Variants in ATP6V1C2 observed in about 807,000 individuals in gnomAD.
ATP6V1C2 encodes the protein ATPase H+ transporting V1 subunit C2.
A neutral mutation model predicts 56.8 loss-of-function variants in ATP6V1C2; 45 were observed. The ratio of observed to expected loss-of-function variants is 0.79; its 90% CI spans 0.62 to 1.02. The LOEUF (loss-of-function observed/expected upper bound fraction) is 1.02, where lower values mean the gene tolerates loss of function less well. ATP6V1C2 is among the 50% of genes least tolerant of loss of function. ATP6V1C2 has a pLI of 0.00. For missense variants in ATP6V1C2, 463 were observed against 519.7 expected (o/e 0.89, Z 1.06); for synonymous variants, 220 against 201.3 (o/e 1.09, Z -0.79).
In ATP6V1C2 at chr2:10,756,524, C is replaced by T. The variant is rs1338252589; in HGVS notation, c.283+2458C>T. ...CACGAAGTCAGGAGTTCAAGACCAG[C>T]CTGGCCAACATGGTGAAATACTGTC... On this transcript the variant is annotated intron_variant, in intron 4 of 13. Transcript: ENST00000272238. 2.0e-5 allele frequency among the ~76,000 whole-genome samples: 3 copies of T among 151,982 alleles called. 1 individual carries two copies. Among genetic ancestry groups the T allele is most frequent in the African/African-American group, 7.3e-5 (3 of 41,334 alleles).
rs780896187 is a variant in ATP6V1C2, at chr2:10,784,601, A to G, written c.*1338A>G. The G allele has an allele frequency of 2.9e-5, 15 of 517,842 alleles. No homozygotes were observed. Among genetic ancestry groups the G allele is most frequent in the Non-Finnish European group, 4.7e-5 (14 of 295,782 alleles). The allele number at this position is 517,842 out of a possible 1,614,324, so 32.1% of individuals were successfully genotyped here. A position where few individuals can be genotyped will look rare whatever the true frequency, so the allele number is the denominator to read the frequency against. ...TGAGGAGGGTGGGACACAACAGTACAGAAATAAGTGCTAATTTCAAAGCTA... is the reference window on the plus strand; with the variant it reads ...TGAGGAGGGTGGGACACAACAGTACGGAAATAAGTGCTAATTTCAAAGCTA... On this transcript the variant is annotated 3_prime_UTR_variant, in exon 14 of 14. Coordinates refer to ENST00000272238, the MANE Select transcript of ATP6V1C2 (RefSeq NM_001039362.2).
chr2:10,748,185 T>A (rs1323149143), intron 3 of ATP6V1C2, among the ~76,000 whole-genome samples: 1 of 152,188 alleles, frequency 6.6e-6, no homozygotes, highest in Non-Finnish European at 1.5e-5. Flanking sequence ...TGTGAGCCAC[T>A]GCACCCAGTC....
At position 10,722,807 on chromosome 2, in the gene ATP6V1C2, G is replaced by T. The variant is rs369200390; in HGVS notation, c.-26-17G>T. The stretch of plus-strand genomic sequence containing the variant: ...CTTCTGTTTCTGTTTGTGTATGTTT[G>T]TCCTGGTTCTGGGCAGTCACTGGGT... On this transcript the variant is annotated splice_polypyrimidine_tract_variant and intron_variant, in intron 1 of 13. Coordinates refer to ENST00000272238, the MANE Select transcript of ATP6V1C2 (RefSeq NM_001039362.2). 7 of 1,610,230 alleles carry T rather than the reference G, an allele frequency of 4.3e-6. No individual in the cohort carries two copies. In the African/African-American group the frequency reaches 9.4e-5, roughly 22 times the overall value.
At chr2:10,767,137 T>C (rs1225890695) in intron 5 of ATP6V1C2, among the ~76,000 whole-genome samples, 1 of 150,970 alleles carries the variant, frequency 6.6e-6, no homozygotes, top group Non-Finnish European at 1.5e-5. Context: ...CTTTAAATAT[T>C]TTTTTAATTA....
chr2:10,742,308 T>C (rs1330345145), intron 3 of ATP6V1C2, among the ~76,000 whole-genome samples: 1 of 152,206 alleles, frequency 6.6e-6, no homozygotes, highest in Admixed American at 6.5e-5. Context: ...TGGTGTTGCA[T>C]AGACTTGCCC....
chr2:10,727,274 G>A (rs192638205), intron 3 of ATP6V1C2, among the ~76,000 whole-genome samples: 1 of 151,436 alleles, frequency 6.6e-6, no homozygotes, highest in Non-Finnish European at 1.5e-5. Flanking sequence ...TTCACCATGT[G>A]TTCCAGGCTA....
At chr2:10,752,989 C>CT (rs1663306283) in intron 3 of ATP6V1C2, among the ~76,000 whole-genome samples, 4 of 152,106 alleles carry the variant, frequency 2.6e-5, no homozygotes, top group Admixed American at 2.6e-4. Context: ...GAGCAAGACT[C>CT]TGTCTCCAAA....
At chr2:10,751,672 C>G (rs935033228) in intron 3 of ATP6V1C2, among the ~76,000 whole-genome samples, 3 of 152,134 alleles carry the variant, frequency 2.0e-5, no homozygotes, top group African/African-American at 7.2e-5. Context: ...CATTACTTCT[C>G]TGGGCCTCAG....
intron 3 of ATP6V1C2, among the ~76,000 whole-genome samples, chr2:10,737,415 T>C (rs573193035): frequency 9.5e-5 from 12 of 126,026 alleles, no homozygotes; most frequent in East Asian, 5.3e-4. Flanking sequence ...TGAGACTCTG[T>C]CTCAAAAAAA....
chr2:10,738,164 GT>G (rs1662361361), intron 3 of ATP6V1C2, among the ~76,000 whole-genome samples: 1 of 152,182 alleles, frequency 6.6e-6, no homozygotes. Context: ...TAAGACATTT[GT>G]GTTAGATCAT....
At chr2:10,733,820 C>CCCCTGTCGTTGCTTGCCCCTGAGTGCTTA (rs1662102312) in intron 3 of ATP6V1C2, among the ~76,000 whole-genome samples, 2 of 152,010 alleles carry the variant, frequency 1.3e-5, no homozygotes, top group Non-Finnish European at 2.9e-5. Context: ...CTAAGTGCTT[C>CCCCTGTCGTTGCTTGCCCCTGAGTGCTTA]CCCTGTCGTT....
Position 10,764,481 on chromosome 2 carries a change from G to T in ATP6V1C2, c.378+56G>T, listed in dbSNP as rs976633598. ...TGACTGGTGGGTCAGGCGGGCAAGA[G>T]CCTGGGTAGGGCCCCCCTGCCAACA... On this transcript the variant is annotated intron_variant, in intron 5 of 13. Coordinates refer to ENST00000272238, the MANE Select transcript of ATP6V1C2 (RefSeq NM_001039362.2). 32 of 1,480,278 alleles carry T rather than the reference G, an allele frequency of 2.2e-5. No individual in the cohort carries two copies. In the Admixed American group the frequency reaches 4.7e-4, roughly 22 times the overall value. 91.7% of individuals were successfully genotyped at this position (1,480,278 alleles called of 1,614,324 possible).
chr2:10,742,410 C>T (rs961807569), intron 3 of ATP6V1C2, among the ~76,000 whole-genome samples: 10 of 152,174 alleles, frequency 6.6e-5, no homozygotes, highest in African/African-American at 2.2e-4. Flanking sequence ...AGGGAGCGGC[C>T]TGTGCAGTTT....
chr2:10,726,347 G>A (rs1661640230), intron 2 of ATP6V1C2, among the ~76,000 whole-genome samples, 155 bp from the exon 3 acceptor site: 2 of 152,156 alleles, frequency 1.3e-5, no homozygotes, highest in Admixed American at 1.3e-4. Context: ...CAAATCCACT[G>A]GTTTCCATTA....
chr2:10,737,775 C>A (rs1360878310), intron 3 of ATP6V1C2, among the ~76,000 whole-genome samples: 11 of 152,184 alleles, frequency 7.2e-5, no homozygotes, highest in Non-Finnish European at 1.6e-4. Flanking sequence ...CTCACTGCAA[C>A]CTTTGCCTTC....
rs1437675125 is a variant in ATP6V1C2, at chr2:10,763,143, C to A, written c.284-1188C>A. On this transcript the variant is annotated intron_variant, in intron 4 of 13. Coordinates refer to ENST00000272238, the MANE Select transcript of ATP6V1C2 (RefSeq NM_001039362.2). The surrounding 1 kb of genome is among the most constrained non-coding windows in gnomAD (Gnocchi z 4.2). ...ATGACCCTTGGTGACCGATCCTACCCCTTTCTGTTCAGCATCCGTCCACAC... is the reference window on the plus strand; with the variant it reads ...ATGACCCTTGGTGACCGATCCTACCACTTTCTGTTCAGCATCCGTCCACAC... Among the ~76,000 whole-genome samples, 1 of 152,108 alleles carries A rather than the reference C, an allele frequency of 6.6e-6. No individual in the cohort carries two copies. Among genetic ancestry groups the A allele is most frequent in the Non-Finnish European group, 1.5e-5 (1 of 68,002 alleles).
intron 3 of ATP6V1C2, among the ~76,000 whole-genome samples, chr2:10,742,202 G>T (rs1467841832): frequency 1.3e-5 from 2 of 152,206 alleles, no homozygotes; most frequent in East Asian, 3.9e-4. Context: ...GAGTCACCAC[G>T]CTGGCCTTTC....
chr2:10,739,671 A>C (rs1395213117), intron 3 of ATP6V1C2, among the ~76,000 whole-genome samples: 2 of 152,106 alleles, frequency 1.3e-5, no homozygotes, highest in Non-Finnish European at 1.5e-5. Flanking sequence ...TCTGCATTCC[A>C]CAGCCCACTA....
intron 2 of ATP6V1C2, among the ~76,000 whole-genome samples, chr2:10,726,208 G>A (rs1661632349): frequency 6.6e-6 from 1 of 152,210 alleles, no homozygotes. Flanking sequence ...CAACATGACT[G>A]ACTAGCAGGC....
Sources: gnomAD v4.1 joint callset for allele counts (sites outside exome capture counted in the v4.1 genomes callset) on GRCh38, gnomAD v4.1.1 for gene constraint, Gnocchi (gnomAD v3.1) non-coding constraint, MANE v1.5 for transcripts, NCBI Gene and HGNC (gene_info 2026-07-23, HGNC 2026-07-21) for gene names.